BAIAP2: variants seen among roughly 807,000 people sequenced by gnomAD.
The protein encoded by BAIAP2 is BAR/IMD domain containing adaptor protein 2, also known as BAR/IMD domain-containing adapter protein 2.
In BAIAP2, 18 loss-of-function variants were observed where a neutral mutation model predicts 63.0. The ratio of observed to expected loss-of-function variants is 0.29; its 90% CI spans 0.20 to 0.42. The LOEUF (loss-of-function observed/expected upper bound fraction) is 0.42. BAIAP2 is among the 10% of genes least tolerant of loss of function. The pLI, the probability that BAIAP2 is intolerant of heterozygous loss-of-function variation, is 1.00. For missense variants in BAIAP2, 610 were observed against 734.3 expected (o/e 0.83, Z 1.96); for synonymous variants, 386 against 307.6 (o/e 1.25, Z -2.67).
intron 3 of BAIAP2, among the ~76,000 whole-genome samples, chr17:81,071,979 C>G (rs2052755375): frequency 6.6e-6 from 1 of 152,238 alleles, no homozygotes; most frequent in Admixed American, 6.5e-5. Context: ...CGTGATCATC[C>G]CCCCCTCCCC....
Position 81,116,140 on chromosome 17 carries a change from G to T in BAIAP2, c.*301G>T. The stretch of plus-strand genomic sequence containing the variant: ...GGAGCCTTGGGTACCCCTGAGTTAA[G>T]GGAGGACATTTGGCCAGCTGGTGGC... On this transcript the variant is annotated 3_prime_UTR_variant, in exon 14 of 14. Transcript: ENST00000428708. 6.3e-7 allele frequency: 1 copy of T among 1,594,798 alleles called. No individual in the cohort carries two copies.
At chr17:81,052,073 C>G (rs964741089) in intron 1 of BAIAP2, among the ~76,000 whole-genome samples, 1 of 152,202 alleles carries the variant, frequency 6.6e-6, no homozygotes, top group Non-Finnish European at 1.5e-5. Context: ...AGGGGCTATC[C>G]CATTAGCACA....
At chr17:81,098,961 CGT>C (rs2058086733) in intron 6 of BAIAP2, among the ~76,000 whole-genome samples, 1 of 129,922 alleles carries the variant, frequency 7.7e-6, no homozygotes, top group African/African-American at 3.5e-5. Flanking sequence ...ACATTCTCCC[CGT>C]CCCCCCATCC....
chr17:81,036,830 AT>A (rs1045478445), intron 1 of BAIAP2: 5 of 1,498,134 alleles, frequency 3.3e-6, no homozygotes, highest in Non-Finnish European at 4.5e-6. Context: ...ATTATTAGTC[AT>A]TAGCTCCATT....
chr17:81,100,386 C>T (rs2058326252), intron 7 of BAIAP2, among the ~76,000 whole-genome samples: 1 of 152,142 alleles, frequency 6.6e-6, no homozygotes, highest in Non-Finnish European at 1.5e-5. Flanking sequence ...ATGTCCTGGG[C>T]AGGTGCAGGC....
chr17:81,042,142 C>CTTTT (rs36029761), intron 1 of BAIAP2, among the ~76,000 whole-genome samples: 21 of 109,770 alleles, frequency 1.9e-4, no homozygotes, highest in African/African-American at 6.7e-4. Context: ...TTTCTTTTTT[C>CTTTT]TTTTTTTTTT....
intron 3 of BAIAP2, among the ~76,000 whole-genome samples, chr17:81,078,304 G>A (rs2054027911): frequency 1.4e-5 from 2 of 144,554 alleles, no homozygotes; most frequent in Non-Finnish European, 1.5e-5. Flanking sequence ...GCTGGATGCA[G>A]TGGGTGCGGG....
chr17:81,067,231 C>A (rs947474296), intron 3 of BAIAP2, among the ~76,000 whole-genome samples: 1 of 152,368 alleles, frequency 6.6e-6, no homozygotes, highest in Non-Finnish European at 1.5e-5. Context: ...AGACAGCCAC[C>A]TGAAGAAGCC....
In BAIAP2 at chr17:81,116,831, C is replaced by T. The variant is rs1367894169; in HGVS notation, c.*992C>T. ...CTGGGGAGGTGTCTCCAGCAGAGCT[C>T]ACTCCCGCCTACAGCCACTCACACC... On this transcript the variant is annotated 3_prime_UTR_variant, in exon 14 of 14. Transcript: ENST00000428708. 1 of 156,788 alleles carries T rather than the reference C, an allele frequency of 6.4e-6. No homozygotes were observed. Among genetic ancestry groups the T allele is most frequent in the Non-Finnish European group, 1.4e-5 (1 of 70,494 alleles). The allele number at this position is 156,788 out of a possible 1,614,324, so 9.7% of individuals were successfully genotyped here.
intron 2 of BAIAP2, 36 bp from the exon 3 acceptor site, chr17:81,057,845 T>C: frequency 6.3e-7 from 1 of 1,598,822 alleles, no homozygotes; most frequent in Non-Finnish European, 8.5e-7. Flanking sequence ...CTGTCCCTCG[T>C]GGAGGAAATA....
At chr17:81,035,337 C>T (rs768059641) in intron 1 of BAIAP2, 29 bp downstream of exon 1, 3 of 1,349,476 alleles carry the variant, frequency 2.2e-6, no homozygotes, top group East Asian at 3.6e-5. Flanking sequence ...CGAGCTGAGC[C>T]CGCTCCGTGT....
intron 6 of BAIAP2, among the ~76,000 whole-genome samples, chr17:81,095,653 G>A (rs1456224732): frequency 2.6e-5 from 4 of 152,076 alleles, no homozygotes. Flanking sequence ...GTCCTTCGGG[G>A]GCTGGCCATC....
Position 81,103,685 on chromosome 17 carries a change from C to T in BAIAP2, c.826C>T (p.Pro276Ser), listed in dbSNP as rs755203182. The T allele has an allele frequency of 5.6e-6, 9 of 1,594,946 alleles. No individual in the cohort carries two copies. The highest frequency in any genetic ancestry group is 5.4e-5 in the African/African-American group (4 of 74,520). The change falls in exon 8 of 14, where the codon CCC (proline) becomes TCC (serine). Residue 276 changes from proline to serine, a missense_variant. Pro to Ser is a moderately conservative substitution (Grantham distance 74). Transcript: ENST00000428708. ...TTCCGACCCCATTCCGGGGGCCAAG[C>T]CCCTGCCGGTGCCCCCCGAGCTGGC... The part of the protein sequence containing the change: ...VISDPIPGAK[P>S]LPVPPELAPF...
intron 13 of BAIAP2, chr17:81,110,146 G>A (rs755660771): frequency 4.1e-5 from 40 of 985,618 alleles, no homozygotes; most frequent in Middle Eastern, 5.2e-4. Flanking sequence ...GGGAAGCTGC[G>A]GCGCTCCTTT....
Position 81,048,617 on chromosome 17 carries a change from C to T in BAIAP2, c.55-5051C>T, listed in dbSNP as rs555931716. ...AGTCTCCAGGCTGGCCAGCAGTGTC[C>T]AGCAGCTCGCCAGCCAAAAGGGCTC... On this transcript the variant is annotated intron_variant, in intron 1 of 13. Transcript: ENST00000428708. 2.0e-5 allele frequency among the ~76,000 whole-genome samples: 3 copies of T among 152,328 alleles called. No individual in the cohort carries two copies. The East Asian group carries it at 5.8e-4, about 29-fold the overall frequency.
In BAIAP2 at chr17:81,044,377, C is replaced by T. The variant is rs530915368; in HGVS notation, c.54+9069C>T. Among the ~76,000 whole-genome samples the T allele has an allele frequency of 5.3e-5, 8 of 152,344 alleles. No homozygotes were observed. The East Asian group carries it at 5.8e-4, about 11-fold the overall frequency. ...TTTCCACGTTGGAGGGGGACCAACA[C>T]GGCGCCACAGACTGGTGTGCCCACA... On this transcript the variant is annotated intron_variant, in intron 1 of 13. Coordinates refer to ENST00000428708, the MANE Select transcript of BAIAP2 (RefSeq NM_001144888.2).
chr17:81,095,418 C>T (rs1005673256), intron 6 of BAIAP2, among the ~76,000 whole-genome samples: 9 of 152,172 alleles, frequency 5.9e-5, no homozygotes, highest in African/African-American at 1.9e-4. Context: ...GTCCCCGCAC[C>T]GGCCCCTTGT....
chr17:81,069,882 C>T (rs1160835462), intron 3 of BAIAP2, among the ~76,000 whole-genome samples: 1 of 152,208 alleles, frequency 6.6e-6, no homozygotes, highest in Non-Finnish European at 1.5e-5. Context: ...CAGAGGTGAC[C>T]AGGGTCTTTG....
intron 3 of BAIAP2, among the ~76,000 whole-genome samples, chr17:81,077,771 G>C (rs912267914): frequency 2.6e-5 from 4 of 152,146 alleles, no homozygotes; most frequent in African/African-American, 9.7e-5. Context: ...TGTGGGTACC[G>C]TTTTGGGTGG....
Sources: gnomAD v4.1 joint callset for allele counts (sites outside exome capture counted in the v4.1 genomes callset) on GRCh38, gnomAD v4.1.1 for gene constraint, MANE v1.5 for transcripts, NCBI Gene and HGNC (gene_info 2026-07-23, HGNC 2026-07-21) for gene names.